NTRK2: variants seen among roughly 807,000 people sequenced by gnomAD.
NTRK2 encodes neurotrophic receptor tyrosine kinase 2.
NTRK2 carries 13 observed loss-of-function variants against 94.5 expected under a neutral mutation model. That is an observed-to-expected ratio of 0.14 (90% CI 0.09 to 0.22). NTRK2 has a LOEUF of 0.22. NTRK2 is among the 10% of genes least tolerant of loss of function. The probability of loss-of-function intolerance (pLI) is 1.00; values close to 1 mark genes in which losing one functional copy is unlikely to be tolerated. For synonymous variants in NTRK2, 372 were observed against 407.4 expected (o/e 0.91, Z 1.05); for missense variants, 639 against 1,071.2 (o/e 0.60, Z 5.63).
chr9:84,682,763 T>C (rs958847279), intron 2 of NTRK2, among the ~76,000 whole-genome samples: 1 of 152,248 alleles, frequency 6.6e-6, no homozygotes, highest in Non-Finnish European at 1.5e-5. Context: ...TGTACACAAA[T>C]GAGGGCATGC....
intron 2 of NTRK2, among the ~76,000 whole-genome samples, chr9:84,673,941 G>A (rs997241178): frequency 3.3e-5 from 5 of 152,184 alleles, no homozygotes; most frequent in Non-Finnish European, 5.9e-5. Flanking sequence ...GAATTTAAAC[G>A]CAGTACCAAT....
At chr9:84,887,514 A>G (rs768568797) in intron 14 of NTRK2, among the ~76,000 whole-genome samples, 7 of 152,256 alleles carry the variant, frequency 4.6e-5, no homozygotes, top group Non-Finnish European at 1.0e-4. Context: ...AACATCACTT[A>G]TGATGCCTTT....
chr9:85,026,131 A>C lies in NTRK2; in HGVS notation c.*4694A>C, dbSNP rs1235425585. 1 of 62,384 alleles carries C rather than the reference A, an allele frequency of 1.6e-5. No homozygotes were observed. Among genetic ancestry groups the C allele is most frequent in the African/African-American group, 1.7e-4 (1 of 5,808 alleles). 3.9% of individuals were successfully genotyped at this position (62,384 alleles called of 1,614,324 possible). On this transcript the variant is annotated 3_prime_UTR_variant, in exon 19 of 19. Transcript: ENST00000277120. ...TTCAGCACAAACACAAAGCAAAGCAAAAAAAAAAATATATATATATATATC... is the reference window on the plus strand; with the variant it reads ...TTCAGCACAAACACAAAGCAAAGCACAAAAAAAAATATATATATATATATC...
chr9:84,688,406 G>C (rs890735602), intron 2 of NTRK2, among the ~76,000 whole-genome samples: 1 of 152,138 alleles, frequency 6.6e-6, no homozygotes, highest in African/African-American at 2.4e-5. Context: ...GTAGGGGGGT[G>C]GCCAGGCTCT....
chr9:84,811,191 C>T, intron 12 of NTRK2: 1 of 1,062,248 alleles, frequency 9.4e-7, no homozygotes. Context: ...AGGTTATTTC[C>T]TTCACTGTCA....
intron 17 of NTRK2, among the ~76,000 whole-genome samples, chr9:84,998,960 G>A (rs4305979): frequency 0.73 from 110,936 of 152,016 alleles, 41,118 homozygotes; most frequent in African/African-American, 0.82. Context: ...AATCCCCCAT[G>A]CAGCCTTCTT....
chr9:85,007,661 C>T (rs1831119892), intron 17 of NTRK2, among the ~76,000 whole-genome samples: 1 of 152,088 alleles, frequency 6.6e-6, no homozygotes, highest in African/African-American at 2.4e-5. Flanking sequence ...TTAGAGTATT[C>T]CATAAGCCCT....
rs1344193711 is a variant in NTRK2, at chr9:85,023,131, T to A, written c.*1694T>A. ...TGTGCTTCTAGGCATAGTCATTGGT[T>A]TTGCAAAAAGAGGGCTCAAATTTAA... On this transcript the variant is annotated 3_prime_UTR_variant, in exon 19 of 19. Transcript: ENST00000277120. 1 of 232,804 alleles carries A rather than the reference T, an allele frequency of 4.3e-6. No homozygotes were observed. 14.4% of individuals were successfully genotyped at this position (232,804 alleles called of 1,614,324 possible).
chr9:84,982,102 G>A (rs181489438), intron 17 of NTRK2, among the ~76,000 whole-genome samples: 1 of 152,272 alleles, frequency 6.6e-6, no homozygotes, highest in East Asian at 1.9e-4. Flanking sequence ...TTTTTATTGG[G>A]TAGAATTATA....
intron 14 of NTRK2, among the ~76,000 whole-genome samples, chr9:84,925,126 C>G (rs2077710999): frequency 6.6e-6 from 1 of 152,102 alleles, no homozygotes; most frequent in East Asian, 1.9e-4. Flanking sequence ...TGCCCCCACC[C>G]CACTGCCCTC....
chr9:84,751,971 C>G lies in NTRK2; in HGVS notation c.1297-15C>G. The G allele has an allele frequency of 6.2e-7, 1 of 1,610,330 alleles. No individual in the cohort carries two copies. The highest frequency in any genetic ancestry group is 8.5e-7 in the Non-Finnish European group (1 of 1,176,660). On this transcript the variant is annotated splice_polypyrimidine_tract_variant and intron_variant, in intron 11 of 18. Transcript: ENST00000277120. ...AATTAGCAAGGTTATAACCACCCTC[C>G]CTTCCTTTCTCTAGGTCTATGCTGT...
intron 14 of NTRK2, among the ~76,000 whole-genome samples, chr9:84,889,948 A>G (rs1318092131): frequency 1.3e-5 from 2 of 152,174 alleles, no homozygotes; most frequent in African/African-American, 4.8e-5. Context: ...CTCAGCTTCC[A>G]TTCTGAAAAA....
rs1400566775 is a variant in NTRK2, at chr9:84,875,338, C to T, written c.1633+7907C>T. ...GAGCGGGGGTCTGGCCATAGCTGGC[C>T]ACGTCAGACTCTCATATGGTAAGTA... On this transcript the variant is annotated intron_variant, in intron 14 of 18. Coordinates refer to ENST00000277120, the MANE Select transcript of NTRK2 (RefSeq NM_006180.6). 7 of 1,060,230 alleles carry T rather than the reference C, an allele frequency of 6.6e-6. No individual in the cohort carries two copies. In the Admixed American group the frequency reaches 3.8e-4, roughly 57 times the overall value. The allele number at this position is 1,060,230 out of a possible 1,614,324, so 65.7% of individuals were successfully genotyped here. A position where few individuals can be genotyped will look rare whatever the true frequency, so the allele number is the denominator to read the frequency against.
intron 2 of NTRK2, among the ~76,000 whole-genome samples, chr9:84,691,204 C>G (rs369792408): frequency 6.6e-6 from 1 of 152,174 alleles, no homozygotes; most frequent in African/African-American, 2.4e-5. Context: ...AAAGGAATTT[C>G]TTTTGCAGGA....
chr9:84,810,765 G>C, intron 12 of NTRK2: 1 of 1,449,222 alleles, frequency 6.9e-7, no homozygotes, highest in Non-Finnish European at 9.1e-7. Flanking sequence ...TGTGAGCTGT[G>C]ATTGGGGAAC....
At chr9:84,872,020 C>T (rs199562895) in intron 14 of NTRK2, 64 of 1,473,558 alleles carry the variant, frequency 4.3e-5, no homozygotes, top group Non-Finnish European at 5.6e-5. Context: ...TGACTAACCC[C>T]TCAAAGTACT....
intron 14 of NTRK2, among the ~76,000 whole-genome samples, chr9:84,932,194 T>C (rs545062344): frequency 1.3e-5 from 2 of 152,320 alleles, no homozygotes; most frequent in South Asian, 2.1e-4. Context: ...AATGGATAAA[T>C]ACATGGTGGT....
At chr9:84,750,200 G>A (rs942340207) in intron 11 of NTRK2, among the ~76,000 whole-genome samples, 1 of 152,172 alleles carries the variant, frequency 6.6e-6, no homozygotes, top group South Asian at 2.1e-4. Context: ...CTAGGTGCTA[G>A]TAGTACTTTC....
intron 12 of NTRK2, among the ~76,000 whole-genome samples, chr9:84,849,611 G>A (rs1004989386): frequency 6.6e-6 from 1 of 152,130 alleles, no homozygotes; most frequent in African/African-American, 2.4e-5. Context: ...AATACAGTGG[G>A]GAGACAAGAC....
Sources: gnomAD v4.1 joint callset for allele counts (sites outside exome capture counted in the v4.1 genomes callset) on GRCh38, gnomAD v4.1.1 for gene constraint, MANE v1.5 for transcripts, NCBI Gene and HGNC (gene_info 2026-07-23, HGNC 2026-07-21) for gene names.